FIRRM: variants seen among roughly 807,000 people sequenced by gnomAD.
The protein encoded by FIRRM is FIGNL1-interacting regulator of recombination and mitosis.
At chr1:169,791,037 T>C in the FIRRM span, among the ~76,000 whole-genome samples, 3 of 152,088 alleles carry the variant, frequency 2.0e-5, no homozygotes, top group Non-Finnish European at 4.4e-5. Flanking sequence ...CACAATAGGG[T>C]GTGCACTCCC....
At chr1:169,794,210 T>A in the FIRRM span, among the ~76,000 whole-genome samples, 35 of 152,342 alleles carry the variant, frequency 2.3e-4, no homozygotes, top group African/African-American at 8.4e-4. Flanking sequence ...CTACTTGCTG[T>A]CTTTCAGCTG....
At chr1:169,811,478 A>T in the FIRRM span, among the ~76,000 whole-genome samples, 1 of 151,798 alleles carries the variant, frequency 6.6e-6, no homozygotes, top group East Asian at 1.9e-4. Flanking sequence ...ACACAGGGAG[A>T]CCCCCATCTC....
chr1:169,786,183 GT>G, the FIRRM span, among the ~76,000 whole-genome samples: 1 of 152,036 alleles, frequency 6.6e-6, no homozygotes, highest in Non-Finnish European at 1.5e-5. Flanking sequence ...TAAACGAGTG[GT>G]TATTTTAATA....
chr1:169,838,763 T>TA, the FIRRM span, among the ~76,000 whole-genome samples: 1 of 152,192 alleles, frequency 6.6e-6, no homozygotes, highest in Admixed American at 6.5e-5. Flanking sequence ...GTGCTGGGAT[T>TA]AGAGGAGTGA....
chr1:169,793,763 A>C, the FIRRM span: 6 of 1,413,036 alleles, frequency 4.2e-6, no homozygotes, highest in South Asian at 8.8e-5. Context: ...TTGATGATAC[A>C]CACAAATCTG....
the FIRRM span, among the ~76,000 whole-genome samples, chr1:169,798,083 A>G: frequency 6.6e-6 from 1 of 152,204 alleles, no homozygotes; most frequent in Non-Finnish European, 1.5e-5. Flanking sequence ...ATTAAGTACA[A>G]TAGAAATGTT....
chr1:169,832,491 G>T, the FIRRM span: 1 of 1,612,476 alleles, frequency 6.2e-7, no homozygotes, highest in East Asian at 2.2e-5. Context: ...TTTTCTTCAT[G>T]GCACCACCCC....
At chr1:169,848,927 T>C in the FIRRM span, among the ~76,000 whole-genome samples, 1 of 152,184 alleles carries the variant, frequency 6.6e-6, no homozygotes, top group Non-Finnish European at 1.5e-5. Context: ...ATTTATCCAT[T>C]CGGGAAAGAT....
chr1:169,823,119 T>A, the FIRRM span, among the ~76,000 whole-genome samples: 4 of 151,760 alleles, frequency 2.6e-5, no homozygotes, highest in Non-Finnish European at 5.9e-5. Context: ...GGCATGGTGG[T>A]ACATGCCTGT....
At chr1:169,802,087 G>A in the FIRRM span, among the ~76,000 whole-genome samples, 1 of 152,144 alleles carries the variant, frequency 6.6e-6, no homozygotes. Flanking sequence ...TTAAGATCTA[G>A]GGTGGCTAAC....
At chr1:169,810,543 C>T in the FIRRM span, among the ~76,000 whole-genome samples, 3 of 152,136 alleles carry the variant, frequency 2.0e-5, no homozygotes, top group South Asian at 4.2e-4. Context: ...TCTGTGTCTT[C>T]ACATCATCTT....
At chr1:169,796,112 C>T in the FIRRM span, 4 of 371,114 alleles carry the variant, frequency 1.1e-5, no homozygotes, top group African/African-American at 2.2e-5. Flanking sequence ...GCAGCTAAAG[C>T]CCTATGTAAT....
At chr1:169,843,682 T>A in the FIRRM span, 1 of 1,610,232 alleles carries the variant, frequency 6.2e-7, no homozygotes, top group Non-Finnish European at 8.5e-7. Flanking sequence ...AGGTAGCAGA[T>A]CAACCTTATG....
the FIRRM span, chr1:169,801,007 G>A: frequency 5.7e-6 from 6 of 1,044,832 alleles, no homozygotes; most frequent in South Asian, 7.1e-5. Flanking sequence ...ATGTTATAAG[G>A]AATCTAGCCT....
chr1:169,816,225 A>G, the FIRRM span, among the ~76,000 whole-genome samples: 1 of 152,150 alleles, frequency 6.6e-6, no homozygotes, highest in Non-Finnish European at 1.5e-5. Context: ...TTGGAAACCA[A>G]GCTGATTCCA....
At chr1:169,787,466 C>G in the FIRRM span, among the ~76,000 whole-genome samples, 583 of 152,258 alleles carry the variant, frequency 3.8e-3, 4 homozygotes, top group African/African-American at 0.013. Flanking sequence ...CTATTAGGTT[C>G]TGTTAGATTA....
the FIRRM span, among the ~76,000 whole-genome samples, chr1:169,784,364 A>C: frequency 6.6e-6 from 1 of 152,126 alleles, no homozygotes; most frequent in African/African-American, 2.4e-5. Context: ...AAAGTTCACA[A>C]GTATTGTGTG....
the FIRRM span, chr1:169,807,997 T>C: frequency 1.4e-6 from 2 of 1,437,696 alleles, no homozygotes; most frequent in Non-Finnish European, 1.9e-6. Context: ...TAAATCTCAT[T>C]TGAATGTCTG....
At chr1:169,815,772 C>T in the FIRRM span, among the ~76,000 whole-genome samples, 1 of 152,324 alleles carries the variant, frequency 6.6e-6, no homozygotes, top group African/African-American at 2.4e-5. Context: ...CCTCATTTTA[C>T]TCAGCCCCTT....
Sources: gnomAD v4.1 joint callset for allele counts (sites outside exome capture counted in the v4.1 genomes callset) on GRCh38, gnomAD v4.1.1 for gene constraint, MANE v1.5 for transcripts, NCBI Gene and HGNC (gene_info 2026-07-23, HGNC 2026-07-21) for gene names.